Variants in ACO1 observed in about 807,000 individuals in gnomAD.
ACO1 encodes aconitase 1.
Under a neutral mutation model 105.1 loss-of-function variants are expected in ACO1, and 78 were observed. The observed-to-expected ratio is 0.74, with a 90% confidence interval of 0.62 to 0.90. The LOEUF (loss-of-function observed/expected upper bound fraction) is 0.90. Ranked by LOEUF, ACO1 falls within the 40% of genes least tolerant of loss-of-function variation. ACO1 has a pLI of 0.00. For missense variants in ACO1, 965 were observed against 1,111.1 expected, an observed-to-expected ratio of 0.87 and a Z score of 1.87; for synonymous variants, 364 against 397.4, an observed-to-expected ratio of 0.92 and a Z score of 1.00.
chr9:32,392,075 A>T (rs1002717791), intron 1 of ACO1, among the ~76,000 whole-genome samples: 3 of 152,250 alleles, frequency 2.0e-5, no homozygotes, highest in Non-Finnish European at 4.4e-5. Context: ...TTTAGGGAAC[A>T]TGAGGTTTAC....
rs367887952 is a variant in ACO1, at chr9:32,449,026, G to C, written c.2501G>C (p.Arg834Pro). 7 of 1,613,336 alleles carry C rather than the reference G, an allele frequency of 4.3e-6. No homozygotes were observed. The highest frequency in any genetic ancestry group is 4.5e-5 in the East Asian group (2 of 44,860). The change falls in exon 20 of 21, where the codon CGA (arginine) becomes CCA (proline). Residue 834 changes from arginine (R) to proline (P), a missense_variant. Coordinates refer to ENST00000309951, the MANE Select transcript of ACO1 (RefSeq NM_002197.3). ...GCCCTGGGGCTCACAGGGCAAGAAC[G>C]ATACACTATCATTATTCCAGAAAAC... ...ADALGLTGQE[R>P]YTIIIPENLK... is the part of the protein sequence containing the mutation.
At position 32,429,347 on chromosome 9, in the gene ACO1, CT is replaced by C. The variant is rs1563942302; in HGVS notation, c.1485-71del. On this transcript the variant is annotated intron_variant, in intron 12 of 20. Transcript: ENST00000309951. The stretch of plus-strand genomic sequence containing the variant: ...CTTTTTGAACAGTGGTCTCTGGAAA[CT>C]GTGGCCAGCAGAAGGGCTCACTGAA... 2.1e-6 allele frequency: 3 copies of C among 1,407,162 alleles called. No homozygotes were observed. The African/African-American group carries it at 4.2e-5, about 20-fold the overall frequency. 87.2% of individuals were successfully genotyped at this position (1,407,162 alleles called of 1,614,324 possible). A position where few individuals can be genotyped will look rare whatever the true frequency, so the allele number is the denominator to read the frequency against.
In ACO1 at chr9:32,430,041, A is replaced by G. The variant is rs577370370; in HGVS notation, c.1570-377A>G. Among the ~76,000 whole-genome samples, 4 of 152,292 alleles carry G rather than the reference A, an allele frequency of 2.6e-5. No homozygotes were observed. In the South Asian group the frequency reaches 8.3e-4, roughly 32 times the overall value. ...AAAATGCTGAACCTTGAAAGATATT[A>G]TTTGGTTTGCTTTGCATTAATTATA... On this transcript the variant is annotated intron_variant, in intron 13 of 20. Coordinates refer to ENST00000309951, the MANE Select transcript of ACO1 (RefSeq NM_002197.3).
At chr9:32,429,239 C>A (rs41314201) in intron 12 of ACO1, among the ~76,000 whole-genome samples, 180 bp from the exon 13 acceptor site, 19,575 of 152,122 alleles carry the variant, frequency 0.13, 1,732 homozygotes, top group South Asian at 0.26. Flanking sequence ...GAATAGTATT[C>A]TTATGTTATA....
chr9:32,427,909 T>C (rs545829616), intron 12 of ACO1, among the ~76,000 whole-genome samples: 68 of 152,358 alleles, frequency 4.5e-4, no homozygotes, highest in South Asian at 1.9e-3. Context: ...ATATTTTCTT[T>C]ATATCTTTAT....
At chr9:32,431,282 T>C (rs1229357279) in intron 14 of ACO1, among the ~76,000 whole-genome samples, 1 of 152,196 alleles carries the variant, frequency 6.6e-6, no homozygotes, top group African/African-American at 2.4e-5. Context: ...CTGCGATATA[T>C]AAGGATCCTT....
intron 19 of ACO1, among the ~76,000 whole-genome samples, chr9:32,448,626 G>A (rs1822677051): frequency 6.6e-6 from 1 of 152,162 alleles, no homozygotes. Context: ...CTGACCCTTT[G>A]TGCTTCCCAG....
In ACO1 at chr9:32,448,906, C is replaced by A. The variant is rs1420153174; in HGVS notation, c.2381C>A (p.Ala794Asp). ...GTCTTTATTCATCAGGGAATCAAAG[C>A]CGTCCTGGCCGAGAGCTACGAGCGC... is the stretch of plus-strand genomic sequence containing the variant. ...AKGPFLLGIK[A>D]VLAESYERIH... The change falls in exon 20 of 21, where the codon GCC (alanine) becomes GAC (aspartate). Residue 794 changes from alanine to aspartate, a missense_variant. Transcript: ENST00000309951. The A allele has an allele frequency of 6.2e-7, 1 of 1,614,210 alleles. No homozygotes were observed. Among genetic ancestry groups the A allele is most frequent in the Non-Finnish European group, 8.5e-7 (1 of 1,180,026 alleles).
chr9:32,416,137 C>G (rs1821843482), intron 4 of ACO1, among the ~76,000 whole-genome samples: 1 of 151,274 alleles, frequency 6.6e-6, no homozygotes, highest in East Asian at 1.9e-4. Context: ...CTTTGTCGCC[C>G]AAGTTGGAGT....
chr9:32,400,456 T>C (rs527972506), intron 1 of ACO1, among the ~76,000 whole-genome samples: 1 of 152,138 alleles, frequency 6.6e-6, no homozygotes, highest in Non-Finnish European at 1.5e-5. Flanking sequence ...AAGGCTAAAT[T>C]TGAGCCATTC....
At position 32,448,985 on chromosome 9, in the gene ACO1, T is replaced by G; in HGVS notation, c.2460T>G (p.Pro820=). The stretch of plus-strand genomic sequence containing the variant: ...GTGTGATCCCACTTGAATATCTCCC[T>G]GGTGAGAATGCAGATGCCCTGGGGC... ...GMGVIPLEYL[P]GENADALGLT... The change falls in exon 20 of 21, where the codon CCT becomes CCG. Residue 820 remains proline, a synonymous_variant. Transcript: ENST00000309951. The G allele has an allele frequency of 6.2e-7, 1 of 1,614,052 alleles. No homozygotes were observed. The highest frequency in any genetic ancestry group is 8.5e-7 in the Non-Finnish European group (1 of 1,179,888).
chr9:32,423,242 A>G, intron 8 of ACO1, 77 bp from the exon 9 acceptor site: 1 of 762,652 alleles, frequency 1.3e-6, no homozygotes, highest in Non-Finnish European at 2.1e-6. Context: ...ATAATTGCTA[A>G]TGGAAGTATC....
At chr9:32,414,841 A>C (rs1402531339) in intron 4 of ACO1, among the ~76,000 whole-genome samples, 1 of 152,234 alleles carries the variant, frequency 6.6e-6, no homozygotes, top group Non-Finnish European at 1.5e-5. Context: ...TCCATTTAGC[A>C]GATCTATTAT....
Position 32,452,702 on chromosome 9 carries a change from GC to G in ACO1, c.*2593del, listed in dbSNP as rs927726629. The G allele has an allele frequency of 7.2e-5, 11 of 152,016 alleles. No homozygotes were observed. The highest frequency in any genetic ancestry group is 2.7e-4 in the African/African-American group (11 of 41,342). 9.4% of individuals were successfully genotyped at this position (152,016 alleles called of 1,614,324 possible). Reference sequence around the variant, plus strand: ...ATCTTCGCCAGGCACGGTGTCTCATGCCTATGATCCCAACACTTTGGGAGGC... The same window carrying G: ...ATCTTCGCCAGGCACGGTGTCTCATGCTATGATCCCAACACTTTGGGAGGC... On this transcript the variant is annotated 3_prime_UTR_variant, in exon 21 of 21. Transcript: ENST00000309951.
intron 19 of ACO1, chr9:32,445,590 C>T: frequency 3.3e-6 from 1 of 307,654 alleles, no homozygotes; most frequent in South Asian, 2.5e-5. Flanking sequence ...ATTTTTTGAA[C>T]AGTTTCTGGT....
In ACO1 at chr9:32,418,339, G is replaced by C. The variant is rs1457828421; in HGVS notation, c.486G>C (p.Gln162His). 1.9e-6 allele frequency: 3 copies of C among 1,614,118 alleles called. No individual in the cohort carries two copies. In the East Asian group the frequency reaches 6.7e-5, roughly 36 times the overall value. Residue 162 changes from glutamine (Q) to histidine (H), a missense_variant, in exon 6 of 21, where the codon CAG (glutamine) becomes CAC (histidine). By Grantham distance (24) the Gln-to-His change is conservative (BLOSUM62 0). Transcript: ENST00000309951. ...ERFEFLKWGS[Q>H]AFHNMRIIPP... ...TTTGTCAATCCCAGTGGGGTTCCCA[G>C]GCTTTTCACAACATGCGGATTATTC... is the stretch of plus-strand genomic sequence containing the variant.
Position 32,449,030 on chromosome 9 carries a change from C to T in ACO1, c.2505C>T (p.Tyr835=), listed in dbSNP as rs1563951389. 6.2e-7 allele frequency: 1 copy of T among 1,613,140 alleles called. No individual in the cohort carries two copies. Among genetic ancestry groups the T allele is most frequent in the South Asian group, 1.1e-5 (1 of 90,996 alleles). ...DALGLTGQER[Y]TIIIPENLKP... ...TGGGGCTCACAGGGCAAGAACGATA[C>T]ACTATCATTATTCCAGAAAACCTCA... is the stretch of plus-strand genomic sequence containing the variant. The change falls in exon 20 of 21, where the codon TAC becomes TAT. Residue 835 remains tyrosine, a synonymous_variant. Transcript: ENST00000309951.
intron 19 of ACO1, 138 bp from the exon 20 acceptor site, chr9:32,448,758 G>GTCAGTC: frequency 1.2e-6 from 1 of 848,262 alleles, no homozygotes; most frequent in South Asian, 1.5e-5. Context: ...CGCCTTCTGT[G>GTCAGTC]TCAGTCTCAC....
In ACO1 at chr9:32,439,273, A is replaced by T. The variant is rs750587763; in HGVS notation, c.2248-1192A>T. On this transcript the variant is annotated intron_variant, in intron 18 of 20. Transcript: ENST00000309951. This position sits in a 1 kb window ranked among gnomAD's most constrained non-coding sequence, Gnocchi z 4.0. ...GAAAGGATCCAGACAATTCAGTTAGAAGAAGGTTTTCACTGTTTCTATGAC... is the reference window on the plus strand; with the variant it reads ...GAAAGGATCCAGACAATTCAGTTAGTAGAAGGTTTTCACTGTTTCTATGAC... Among the ~76,000 whole-genome samples the T allele has an allele frequency of 6.6e-6, 1 of 152,236 alleles. No individual in the cohort carries two copies. Among genetic ancestry groups the T allele is most frequent in the African/African-American group, 2.4e-5 (1 of 41,476 alleles).
Sources: allele counts gnomAD v4.1 joint callset (sites outside exome capture counted in the v4.1 genomes callset), GRCh38; gene constraint gnomAD v4.1.1; non-coding constraint Gnocchi (gnomAD v3.1); transcripts MANE v1.5; gene names NCBI Gene and HGNC (gene_info 2026-07-23, HGNC 2026-07-21).